Variants in ADGRB3 observed in about 807,000 individuals in gnomAD.
The protein encoded by ADGRB3 is adhesion G protein-coupled receptor B3.
A neutral mutation model predicts 193.4 loss-of-function variants in ADGRB3; 37 were observed. That is an observed-to-expected ratio of 0.19 (90% CI 0.15 to 0.25). The LOEUF (loss-of-function observed/expected upper bound fraction) is 0.25, where lower values mean the gene tolerates loss of function less well. ADGRB3 is among the 10% of genes least tolerant of loss of function. The pLI is 1.00. For synonymous variants in ADGRB3, 690 were observed against 644.2 expected (o/e 1.07, Z -1.08); for missense variants, 1,637 against 1,852.9 (o/e 0.88, Z 2.14).
At chr6:69,114,520 C>T (rs767088155) in intron 17 of ADGRB3, among the ~76,000 whole-genome samples, 29 of 152,152 alleles carry the variant, frequency 1.9e-4, no homozygotes, top group Non-Finnish European at 5.9e-5. Context: ...TAATTAGATC[C>T]TATTTGTCAA....
chr6:68,753,116 C>T (rs557707771), intron 3 of ADGRB3, among the ~76,000 whole-genome samples: 2 of 152,222 alleles, frequency 1.3e-5, no homozygotes, highest in Non-Finnish European at 2.9e-5. Context: ...GAAAAGGTAC[C>T]ACCCTAGGCG....
At chr6:69,334,511 C>A (rs1313936058) in intron 24 of ADGRB3, among the ~76,000 whole-genome samples, 1 of 152,116 alleles carries the variant, frequency 6.6e-6, no homozygotes, top group African/African-American at 2.4e-5. Flanking sequence ...TTTTTCACTG[C>A]AGACAAGTTT....
At chr6:68,887,579 G>T (rs1409879516) in intron 3 of ADGRB3, among the ~76,000 whole-genome samples, 1 of 151,928 alleles carries the variant, frequency 6.6e-6, no homozygotes, top group Non-Finnish European at 1.5e-5. Context: ...AAAAATTTCT[G>T]TGCCATGATA....
At position 68,687,062 on chromosome 6, in the gene ADGRB3, G is replaced by A. The variant is rs138561485; in HGVS notation, c.757+47630G>A. 2.5e-3 allele frequency among the ~76,000 whole-genome samples: 373 copies of A among 151,720 alleles called. 3 individuals carry two copies. The highest frequency in any genetic ancestry group is 6.4e-3 in the African/African-American group (267 of 41,422). On this transcript the variant is annotated intron_variant, in intron 3 of 31. Transcript: ENST00000370598. ...CACACACATTTTGCCATATGTATAT[G>A]GATCTTCTATGTATCATATATGGAT...
At chr6:69,248,112 C>A (rs1766539723) in intron 20 of ADGRB3, among the ~76,000 whole-genome samples, 1 of 152,094 alleles carries the variant, frequency 6.6e-6, no homozygotes, top group South Asian at 2.1e-4. Context: ...CTGCTTTTCT[C>A]CCCTGAAATC....
intron 20 of ADGRB3, among the ~76,000 whole-genome samples, chr6:69,284,251 G>A (rs969689124): frequency 2.6e-5 from 4 of 151,848 alleles, no homozygotes; most frequent in South Asian, 2.1e-4. Context: ...CTTTCATCTC[G>A]TCCCTCTGGC....
intron 29 of ADGRB3, among the ~76,000 whole-genome samples, chr6:69,369,391 C>A (rs780554679): frequency 6.6e-6 from 1 of 152,086 alleles, no homozygotes; most frequent in African/African-American, 2.4e-5. Context: ...TTTCCCAATG[C>A]CCCATGCCCC....
intron 20 of ADGRB3, among the ~76,000 whole-genome samples, chr6:69,297,439 G>A (rs1223043684): frequency 2.1e-5 from 3 of 140,214 alleles, no homozygotes; most frequent in Non-Finnish European, 3.0e-5. Flanking sequence ...CTTTGAGGAA[G>A]CCTTTTGATG....
chr6:68,795,480 T>C (rs1767190050), intron 3 of ADGRB3, among the ~76,000 whole-genome samples: 1 of 152,020 alleles, frequency 6.6e-6, no homozygotes, highest in Admixed American at 6.6e-5. Flanking sequence ...ACAGGAACAA[T>C]TGCAGATTTC....
At chr6:69,074,186 GC>G (rs1242464129) in intron 16 of ADGRB3, among the ~76,000 whole-genome samples, 1 of 152,020 alleles carries the variant, frequency 6.6e-6, no homozygotes, top group Non-Finnish European at 1.5e-5. Context: ...TGGATATGTG[GC>G]CTTTCAGGGA....
intron 20 of ADGRB3, among the ~76,000 whole-genome samples, chr6:69,291,384 C>A (rs1461486268): frequency 6.6e-6 from 1 of 152,050 alleles, no homozygotes; most frequent in East Asian, 1.9e-4. Flanking sequence ...AAGAGGAGAG[C>A]ACTAAGGTGA....
intron 3 of ADGRB3, among the ~76,000 whole-genome samples, chr6:68,863,279 G>A (rs1048630116): frequency 6.6e-6 from 1 of 151,844 alleles, no homozygotes; most frequent in African/African-American, 2.4e-5. Context: ...AAAAGAAATG[G>A]TCAAATATAT....
At chr6:69,057,398 C>A (rs1771575222) in intron 15 of ADGRB3, among the ~76,000 whole-genome samples, 1 of 151,888 alleles carries the variant, frequency 6.6e-6, no homozygotes, top group Non-Finnish European at 1.5e-5. Context: ...CCTTTTATTT[C>A]TTTTTCTTAC....
At position 68,913,984 on chromosome 6, in the gene ADGRB3, G is replaced by A. The variant is rs540447496; in HGVS notation, c.758-16575G>A. On this transcript the variant is annotated intron_variant, in intron 3 of 31. Coordinates refer to ENST00000370598, the MANE Select transcript of ADGRB3 (RefSeq NM_001704.3). ...TGAAGGAAATGAAGCGAGAAGGGAA[G>A]TTTAGAGAAAAAAGAATAAAAAGAA... 5.7e-3 allele frequency among the ~76,000 whole-genome samples: 867 copies of A among 151,020 alleles called. 2 individuals are homozygous for A. Among genetic ancestry groups the A allele is most frequent in the Admixed American group, 9.5e-3 (145 of 15,186 alleles).
intron 20 of ADGRB3, among the ~76,000 whole-genome samples, chr6:69,301,233 C>T (rs535941009): frequency 1.9e-4 from 29 of 151,746 alleles, no homozygotes; most frequent in Non-Finnish European, 3.7e-4. Flanking sequence ...GTACACAAAT[C>T]TATTATACAA....
intron 17 of ADGRB3, among the ~76,000 whole-genome samples, chr6:69,127,295 C>A (rs1192324148): frequency 6.6e-6 from 1 of 152,176 alleles, no homozygotes; most frequent in Non-Finnish European, 1.5e-5. Context: ...TTTATTATTT[C>A]TCTTATTTAG....
At chr6:68,986,712 A>G (rs1232704836) in intron 10 of ADGRB3, among the ~76,000 whole-genome samples, 2 of 152,198 alleles carry the variant, frequency 1.3e-5, no homozygotes, top group African/African-American at 4.8e-5. Context: ...ATGTATAATT[A>G]TCTTTTAATT....
intron 3 of ADGRB3, among the ~76,000 whole-genome samples, chr6:68,827,679 G>T (rs1289041053): frequency 2.0e-5 from 3 of 151,862 alleles, no homozygotes; most frequent in Non-Finnish European, 4.4e-5. Flanking sequence ...GGGGGAGGGG[G>T]TTCTATAGTT....
chr6:69,197,942 T>G (rs1212038923), intron 17 of ADGRB3, among the ~76,000 whole-genome samples: 2 of 152,086 alleles, frequency 1.3e-5, no homozygotes, highest in Non-Finnish European at 2.9e-5. Context: ...ACTTACCTCC[T>G]TTCATTTCCT....
Sources: gnomAD v4.1 joint callset for allele counts (sites outside exome capture counted in the v4.1 genomes callset) on GRCh38, gnomAD v4.1.1 for gene constraint, MANE v1.5 for transcripts, NCBI Gene and HGNC (gene_info 2026-07-23, HGNC 2026-07-21) for gene names.